The following EPB41L3 variants were observed in gnomAD, a reference collection of about 807,000 sequenced individuals.
The protein encoded by EPB41L3 is erythrocyte membrane protein band 4.1 like 3.
A neutral mutation model predicts 127.1 loss-of-function variants in EPB41L3; 57 were observed. That is an observed-to-expected ratio of 0.45 (90% CI 0.36 to 0.56). The LOEUF is 0.56. EPB41L3 is among the 20% of genes least tolerant of loss of function. EPB41L3 has a pLI of 0.00. For synonymous variants in EPB41L3, 572 were observed against 549.5 expected, an observed-to-expected ratio of 1.04 and a Z score of -0.57; for missense variants, 1,273 against 1,372.2, an observed-to-expected ratio of 0.93 and a Z score of 1.14.
intron 3 of EPB41L3, among the ~76,000 whole-genome samples, chr18:5,566,788 T>TATTCTATTCTATTCC (rs1555804087): frequency 7.3e-4 from 82 of 112,516 alleles, no homozygotes; most frequent in South Asian, 3.6e-3. Context: ...TATTCTATTC[T>TATTCTATTCTATTCC]ATTCCATTCC....
chr18:5,494,301 C>T (rs2090929374), intron 1 of EPB41L3, among the ~76,000 whole-genome samples: 1 of 152,138 alleles, frequency 6.6e-6, no homozygotes, highest in South Asian at 2.1e-4. Flanking sequence ...CACTTCCCTC[C>T]CTATGCCTAA....
At chr18:5,403,732 T>TTCC (rs2074906387) in intron 16 of EPB41L3, among the ~76,000 whole-genome samples, 1 of 152,094 alleles carries the variant, frequency 6.6e-6, no homozygotes, top group Admixed American at 6.5e-5. Context: ...AGTTAAATAT[T>TTCC]TCCATTTGGA....
chr18:5,405,142 G>T (rs1347670132), intron 16 of EPB41L3, among the ~76,000 whole-genome samples: 4 of 152,144 alleles, frequency 2.6e-5, no homozygotes, highest in Non-Finnish European at 5.9e-5. Flanking sequence ...ATGAGTTCTT[G>T]ATTACTTTTG....
chr18:5,509,654 T>G (rs1365020709), intron 1 of EPB41L3, among the ~76,000 whole-genome samples: 1 of 152,208 alleles, frequency 6.6e-6, no homozygotes, highest in Non-Finnish European at 1.5e-5. Flanking sequence ...CAAATCACCT[T>G]AAGTAAATTC....
At chr18:5,441,021 A>T (rs2080635891) in intron 5 of EPB41L3, among the ~76,000 whole-genome samples, 1 of 152,136 alleles carries the variant, frequency 6.6e-6, no homozygotes, top group Non-Finnish European at 1.5e-5. Context: ...GGACTAACTA[A>T]CTACAGGCAT....
At chr18:5,525,678 C>T (rs2093195303) in intron 1 of EPB41L3, among the ~76,000 whole-genome samples, 1 of 152,092 alleles carries the variant, frequency 6.6e-6, no homozygotes, top group Non-Finnish European at 1.5e-5. Flanking sequence ...AATACATATG[C>T]ATAGTTATTA....
At chr18:5,434,751 C>T (rs1210296000) in intron 6 of EPB41L3, among the ~76,000 whole-genome samples, 2 of 152,176 alleles carry the variant, frequency 1.3e-5, no homozygotes, top group Non-Finnish European at 2.9e-5. Context: ...TACTTGATAA[C>T]AAGTGACTAC....
At chr18:5,413,402 A>G (rs1454026214) in intron 13 of EPB41L3, among the ~76,000 whole-genome samples, 1 of 152,206 alleles carries the variant, frequency 6.6e-6, no homozygotes, top group African/African-American at 2.4e-5. Context: ...AAGCCTTTTT[A>G]TACTGGATTT....
chr18:5,426,245 A>G (rs1376058044), intron 9 of EPB41L3, among the ~76,000 whole-genome samples: 1 of 152,112 alleles, frequency 6.6e-6, no homozygotes, highest in Admixed American at 6.5e-5. Flanking sequence ...TGCAAGAGTT[A>G]CTCCCTGAAA....
At chr18:5,500,619 C>T (rs535073321) in intron 1 of EPB41L3, among the ~76,000 whole-genome samples, 12 of 152,234 alleles carry the variant, frequency 7.9e-5, no homozygotes, top group African/African-American at 2.6e-4. Context: ...GCCAGTACCA[C>T]GGGGTGAAGG....
intron 1 of EPB41L3, among the ~76,000 whole-genome samples, chr18:5,495,410 A>C (rs1329046424): frequency 1.4e-5 from 2 of 143,284 alleles, no homozygotes; most frequent in Non-Finnish European, 3.0e-5. Flanking sequence ...AAAAAAAAAA[A>C]AAAAAAAACT....
chr18:5,505,436 C>T (rs1475192404), intron 1 of EPB41L3, among the ~76,000 whole-genome samples: 1 of 151,994 alleles, frequency 6.6e-6, no homozygotes, highest in Non-Finnish European at 1.5e-5. Flanking sequence ...TCCCCCTTCA[C>T]CAGACCTCCA....
At chr18:5,599,901 A>T (rs1000663917) in intron 3 of EPB41L3, among the ~76,000 whole-genome samples, 1 of 152,112 alleles carries the variant, frequency 6.6e-6, no homozygotes, top group Non-Finnish European at 1.5e-5. Context: ...CTTGGAACTC[A>T]CGGGCAACAG....
intron 3 of EPB41L3, among the ~76,000 whole-genome samples, chr18:5,589,915 C>T (rs2094471270): frequency 1.3e-5 from 2 of 152,156 alleles, no homozygotes; most frequent in East Asian, 3.8e-4. Flanking sequence ...CTTTTTCCTT[C>T]CATCACTGTT....
At chr18:5,527,306 C>T (rs1273726285) in intron 1 of EPB41L3, among the ~76,000 whole-genome samples, 1 of 152,178 alleles carries the variant, frequency 6.6e-6, no homozygotes, top group Non-Finnish European at 1.5e-5. Context: ...CACAGGCAAG[C>T]TCTTCTCATC....
intron 1 of EPB41L3, among the ~76,000 whole-genome samples, chr18:5,497,492 T>C (rs2091284640): frequency 6.6e-6 from 1 of 152,226 alleles, no homozygotes; most frequent in South Asian, 2.1e-4. Flanking sequence ...TGTACGAAGC[T>C]GGTAGGACAA....
At chr18:5,421,770 G>C (rs2077498178) in intron 11 of EPB41L3, among the ~76,000 whole-genome samples, 3 of 152,080 alleles carry the variant, frequency 2.0e-5, no homozygotes, top group Admixed American at 6.5e-5. Flanking sequence ...CTAAGCTATG[G>C]GTATGCAAAG....
intron 16 of EPB41L3, chr18:5,400,574 G>T (rs879165383): frequency 2.2e-6 from 1 of 458,754 alleles, no homozygotes; most frequent in South Asian, 1.5e-5. Context: ...TCTCCTTCCT[G>T]CATTTTCTTT....
chr18:5,534,117 C>G (rs2093498186), intron 1 of EPB41L3, among the ~76,000 whole-genome samples: 1 of 152,112 alleles, frequency 6.6e-6, no homozygotes, highest in Non-Finnish European at 1.5e-5. Flanking sequence ...GAGCCGAGAT[C>G]TCGCCACTGC....
Sources: gnomAD v4.1 joint callset for allele counts (sites outside exome capture counted in the v4.1 genomes callset) on GRCh38, gnomAD v4.1.1 for gene constraint, MANE v1.5 for transcripts, NCBI Gene and HGNC (gene_info 2026-07-23, HGNC 2026-07-21) for gene names.